NUDT9: variants seen among roughly 807,000 people sequenced by gnomAD.
The protein encoded by NUDT9 is nudix hydrolase 9.
Under a neutral mutation model 41.0 loss-of-function variants are expected in NUDT9, and 31 were observed. That is an observed-to-expected ratio of 0.76 (90% CI 0.57 to 1.02). NUDT9 has a LOEUF of 1.02. Ranked by LOEUF, NUDT9 falls within the 50% of genes least tolerant of loss-of-function variation. The pLI, the probability that NUDT9 is intolerant of heterozygous loss-of-function variation, is 0.00. For missense variants in NUDT9, 380 were observed against 431.4 expected, an observed-to-expected ratio of 0.88 and a Z score of 1.06; for synonymous variants, 146 against 147.6, an observed-to-expected ratio of 0.99 and a Z score of 0.08.
chr4:87,437,445 A>G (rs996624943), intron 2 of NUDT9, among the ~76,000 whole-genome samples: 2 of 151,780 alleles, frequency 1.3e-5, no homozygotes, highest in East Asian at 1.9e-4. Context: ...GGTTCACGCC[A>G]TTCTCCTGCC....
At chr4:87,447,711 G>GT (rs1006065701) in intron 4 of NUDT9, among the ~76,000 whole-genome samples, 1 of 151,928 alleles carries the variant, frequency 6.6e-6, no homozygotes. Flanking sequence ...AAAGGATAGA[G>GT]TTTTTTTTGT....
intron 7 of NUDT9, among the ~76,000 whole-genome samples, chr4:87,456,820 A>G (rs1169988953): frequency 6.6e-6 from 1 of 152,086 alleles, no homozygotes; most frequent in Admixed American, 6.6e-5. Flanking sequence ...AATCCCAGGT[A>G]CTCGGGGGGC....
chr4:87,429,281 A>C (rs994276050), intron 1 of NUDT9, among the ~76,000 whole-genome samples: 1 of 152,074 alleles, frequency 6.6e-6, no homozygotes, highest in Non-Finnish European at 1.5e-5. Context: ...CTTCCTGAGT[A>C]GCGGCAACTA....
chr4:87,457,024 G>C (rs959020290), intron 7 of NUDT9, among the ~76,000 whole-genome samples: 1 of 152,032 alleles, frequency 6.6e-6, no homozygotes, highest in Non-Finnish European at 1.5e-5. Flanking sequence ...ATTCTTCAAA[G>C]AGGAATTACT....
At chr4:87,451,453 A>G (rs1443519122) in intron 5 of NUDT9, 136 bp from the exon 6 acceptor site, 5 of 621,976 alleles carry the variant, frequency 8.0e-6, no homozygotes, top group Non-Finnish European at 1.3e-5. Context: ...GGTTTAGAGA[A>G]CAGTGTATCA....
intron 4 of NUDT9, among the ~76,000 whole-genome samples, chr4:87,446,503 G>A (rs897166952): frequency 5.9e-5 from 9 of 152,084 alleles, no homozygotes; most frequent in Admixed American, 5.2e-4. Flanking sequence ...AAAGTGCTGG[G>A]ATTACAGGCG....
rs984912640 is a variant in NUDT9, at chr4:87,459,129, A to G, written c.*1108A>G. Reference sequence around the variant, plus strand: ...TGCAGCCGTAAAAAAGAATAAGATCATGTCCTCTGAAAAGACATGGGTGGA... The same window carrying G: ...TGCAGCCGTAAAAAAGAATAAGATCGTGTCCTCTGAAAAGACATGGGTGGA... On this transcript the variant is annotated 3_prime_UTR_variant, in exon 8 of 8. Coordinates refer to ENST00000302174, the MANE Select transcript of NUDT9 (RefSeq NM_024047.5). The G allele has an allele frequency of 1.3e-5, 2 of 152,248 alleles. No individual in the cohort carries two copies. The highest frequency in any genetic ancestry group is 6.5e-5 in the Admixed American group (1 of 15,278). 9.4% of individuals were successfully genotyped at this position (152,248 alleles called of 1,614,324 possible).
At chr4:87,440,679 C>A (rs780421136) in intron 3 of NUDT9, among the ~76,000 whole-genome samples, 1 of 152,124 alleles carries the variant, frequency 6.6e-6, no homozygotes, top group Non-Finnish European at 1.5e-5. Context: ...AACCCTGTCT[C>A]TACTAAAAAT....
intron 1 of NUDT9, among the ~76,000 whole-genome samples, chr4:87,432,718 G>C (rs1036429304): frequency 1.3e-5 from 2 of 151,470 alleles, no homozygotes. Flanking sequence ...AATCGTGAAA[G>C]GGTGCTGAAT....
At position 87,435,154 on chromosome 4, in the gene NUDT9, A is replaced by C; in HGVS notation, c.281A>C (p.Tyr94Ser). The part of the protein sequence containing the change: ...KVGWLVEWQD[Y>S]KPVEYTAVSV... Reference sequence around the variant, plus strand: ...GGCTGGCTTGTTGAGTGGCAAGACTATAAGCCTGTGGAATACACTGCAGTC... The same window carrying C: ...GGCTGGCTTGTTGAGTGGCAAGACTCTAAGCCTGTGGAATACACTGCAGTC... The change falls in exon 2 of 8, where the codon TAT becomes TCT. Residue 94 changes from tyrosine (Y) to serine (S), a missense_variant. Tyr to Ser is a moderately radical substitution (Grantham distance 144, BLOSUM62 -2). Transcript: ENST00000302174. 6.2e-7 allele frequency: 1 copy of C among 1,614,222 alleles called. No individual in the cohort carries two copies. The highest frequency in any genetic ancestry group is 8.5e-7 in the Non-Finnish European group (1 of 1,180,030).
chr4:87,429,743 C>T (rs72877373), intron 1 of NUDT9, among the ~76,000 whole-genome samples: 3,707 of 136,290 alleles, frequency 0.027, 164 homozygotes, highest in African/African-American at 0.094. Context: ...CCTTTTTCTT[C>T]TCTCCTGTAC....
In NUDT9 at chr4:87,458,870, A is replaced by G. The variant is rs547226685; in HGVS notation, c.*849A>G. On this transcript the variant is annotated 3_prime_UTR_variant, in exon 8 of 8. Transcript: ENST00000302174. ...GTTAGTGGGAGTGTAAATTGGTCCA[A>G]CCATTGTGGAAGAGAGTGTAGAGAG... 6 of 152,330 alleles carry G rather than the reference A, an allele frequency of 3.9e-5. No homozygotes were observed. Among genetic ancestry groups the G allele is most frequent in the Non-Finnish European group, 7.4e-5 (5 of 68,022 alleles). 9.4% of individuals were successfully genotyped at this position (152,330 alleles called of 1,614,324 possible).
chr4:87,423,731 A>G (rs1578061700), intron 1 of NUDT9, among the ~76,000 whole-genome samples: 1 of 152,156 alleles, frequency 6.6e-6, no homozygotes, highest in African/African-American at 2.4e-5. Flanking sequence ...TTTCTCGAAC[A>G]TGTGATGGGC....
intron 1 of NUDT9, among the ~76,000 whole-genome samples, chr4:87,434,626 CTT>C (rs35889524): frequency 1.4e-5 from 2 of 142,356 alleles, no homozygotes; most frequent in East Asian, 2.0e-4. Context: ...GAATTAGGTT[CTT>C]TTTTTTTTTG....
intron 4 of NUDT9, among the ~76,000 whole-genome samples, chr4:87,442,815 A>G (rs1392329424): frequency 6.6e-6 from 1 of 152,172 alleles, no homozygotes; most frequent in Non-Finnish European, 1.5e-5. Flanking sequence ...ATCTTGTCCC[A>G]CTGGAAAGTT....
intron 4 of NUDT9, among the ~76,000 whole-genome samples, chr4:87,444,928 A>G (rs1040271949): frequency 6.6e-6 from 1 of 152,212 alleles, no homozygotes; most frequent in Non-Finnish European, 1.5e-5. Flanking sequence ...TTAATTAATA[A>G]TTAATAGTAA....
intron 3 of NUDT9, among the ~76,000 whole-genome samples, chr4:87,440,317 A>T (rs1277744756): frequency 6.6e-6 from 1 of 152,194 alleles, no homozygotes; most frequent in Non-Finnish European, 1.5e-5. Flanking sequence ...GAAAAGATGG[A>T]ATTCGAAATC....
intron 1 of NUDT9, among the ~76,000 whole-genome samples, chr4:87,433,126 C>G (rs537326497): frequency 6.6e-6 from 1 of 152,194 alleles, no homozygotes; most frequent in Admixed American, 6.5e-5. Context: ...CCATCTGGTC[C>G]TGGGTTTTTC....
At chr4:87,423,649 A>G (rs867814646) in intron 1 of NUDT9, among the ~76,000 whole-genome samples, 1 of 152,076 alleles carries the variant, frequency 6.6e-6, no homozygotes, top group Middle Eastern at 3.2e-3. Flanking sequence ...AGAAAAATCT[A>G]TTTCCTAAAT....
Sources: allele counts gnomAD v4.1 joint callset (sites outside exome capture counted in the v4.1 genomes callset), GRCh38; gene constraint gnomAD v4.1.1; transcripts MANE v1.5; gene names NCBI Gene and HGNC (gene_info 2026-07-23, HGNC 2026-07-21).